The following KCNJ6 variants were observed in gnomAD, a reference collection of about 807,000 sequenced individuals.
KCNJ6 encodes the protein G protein-activated inward rectifier potassium channel 2.
In KCNJ6, 9 loss-of-function variants were observed where a neutral mutation model predicts 34.2. That is an observed-to-expected ratio of 0.26 (90% CI 0.16 to 0.46). The LOEUF (loss-of-function observed/expected upper bound fraction) is 0.46. KCNJ6 is among the 20% of genes least tolerant of loss of function. The pLI is 1.00. For synonymous variants in KCNJ6, 196 were observed against 207.1 expected (o/e 0.95, Z 0.46); for missense variants, 236 against 531.3 (o/e 0.44, Z 5.46).
At chr21:37,646,681 T>TTTA (rs2054405747) in intron 3 of KCNJ6, among the ~76,000 whole-genome samples, 1 of 38,852 alleles carries the variant, frequency 2.6e-5, no homozygotes, top group African/African-American at 1.4e-4. Flanking sequence ...TATTTTTATT[T>TTTA]TTTTTTTTGA....
intron 1 of KCNJ6, among the ~76,000 whole-genome samples, chr21:37,856,661 A>T (rs1413755883): frequency 6.6e-6 from 1 of 152,228 alleles, no homozygotes; most frequent in Admixed American, 6.5e-5. Flanking sequence ...AATGTGACAA[A>T]TGTTTACAAA....
At position 37,800,726 on chromosome 21, in the gene KCNJ6, C is replaced by T. The variant is rs564668667; in HGVS notation, c.25+39932G>A. On this transcript the variant is annotated intron_variant, in intron 2 of 3. Transcript: ENST00000609713. Reference sequence around the variant, plus strand: ...ACATCCTGTTTGCCATCTTCCTGATCATTTTCTCCTCTTCAGTAGGGAATG... The same window carrying T: ...ACATCCTGTTTGCCATCTTCCTGATTATTTTCTCCTCTTCAGTAGGGAATG... 2.0e-5 allele frequency among the ~76,000 whole-genome samples: 3 copies of T among 152,176 alleles called. No individual in the cohort carries two copies. The South Asian group carries it at 6.2e-4, about 31-fold the overall frequency.
intron 2 of KCNJ6, among the ~76,000 whole-genome samples, chr21:37,812,538 T>A (rs989275863): frequency 2.0e-5 from 3 of 152,172 alleles, no homozygotes; most frequent in Non-Finnish European, 4.4e-5. Context: ...GTTAACTGTA[T>A]TCAACAACAC....
chr21:37,845,560 AG>A (rs1448292233), intron 1 of KCNJ6, among the ~76,000 whole-genome samples: 1 of 152,242 alleles, frequency 6.6e-6, no homozygotes, highest in East Asian at 1.9e-4. Flanking sequence ...CCTGATTCAC[AG>A]GACTGTTTGA....
chr21:37,701,256 C>A lies in KCNJ6; in HGVS notation c.946+12955G>T, dbSNP rs369317041. 3.8e-3 allele frequency among the ~76,000 whole-genome samples: 573 copies of A among 152,192 alleles called. 3 individuals carry two copies. The highest frequency in any genetic ancestry group is 0.017 in the Middle Eastern group (5 of 292). ...GGGTGCAGGACAGAGCCCTGGGGAA[C>A]CACCGAGGTTTTGAATTGCAGGTGG... On this transcript the variant is annotated intron_variant, in intron 3 of 3. Transcript: ENST00000609713.
intron 1 of KCNJ6, among the ~76,000 whole-genome samples, chr21:37,843,928 G>A (rs147765585): frequency 7.9e-5 from 12 of 152,230 alleles, no homozygotes; most frequent in African/African-American, 2.2e-4. Flanking sequence ...TTCTTTCTTC[G>A]AGTATTCTCA....
rs187365692 is a variant in KCNJ6 at position 37,695,241 on chromosome 21, T to C, written c.946+18970A>G. ...TTGCAACCACAAGGGAGACCTGGCT[T>C]GTTACAGAACTTAACAGTGTCCATC... On this transcript the variant is annotated intron_variant, in intron 3 of 3. Coordinates refer to ENST00000609713, the MANE Select transcript of KCNJ6 (RefSeq NM_002240.5). The surrounding 1 kb of genome is among the most constrained non-coding windows in gnomAD (Gnocchi z 4.2). 6.6e-5 allele frequency among the ~76,000 whole-genome samples: 10 copies of C among 152,320 alleles called. No homozygotes were observed. In the East Asian group the frequency reaches 1.9e-3, roughly 29 times the overall value.
intron 3 of KCNJ6, among the ~76,000 whole-genome samples, chr21:37,670,718 T>C (rs2054537592): frequency 6.6e-6 from 1 of 152,228 alleles, no homozygotes; most frequent in Non-Finnish European, 1.5e-5. Context: ...TCACCCAAGA[T>C]CGTGCCACTG....
chr21:37,855,575 A>G (rs1220747355), intron 1 of KCNJ6, among the ~76,000 whole-genome samples: 2 of 150,916 alleles, frequency 1.3e-5, no homozygotes, highest in African/African-American at 4.9e-5. Context: ...AGCAGAAAAA[A>G]TAGCTTTCCT....
At chr21:37,800,272 G>A (rs1185162877) in intron 2 of KCNJ6, among the ~76,000 whole-genome samples, 1 of 152,194 alleles carries the variant, frequency 6.6e-6, no homozygotes, top group Non-Finnish European at 1.5e-5. Flanking sequence ...TCTAGACAGA[G>A]AGGATGTGGC....
At chr21:37,821,730 G>A (rs1433539851) in intron 2 of KCNJ6, among the ~76,000 whole-genome samples, 1 of 152,076 alleles carries the variant, frequency 6.6e-6, no homozygotes, top group Non-Finnish European at 1.5e-5. Flanking sequence ...ATTGTATATG[G>A]TTATAGGAAG....
At chr21:37,652,575 A>G (rs1333295368) in intron 3 of KCNJ6, among the ~76,000 whole-genome samples, 1 of 152,232 alleles carries the variant, frequency 6.6e-6, no homozygotes, top group African/African-American at 2.4e-5. Context: ...GAGGTCAAAT[A>G]TTTGGGAGAA....
chr21:37,664,799 T>G (rs1037734251), intron 3 of KCNJ6, among the ~76,000 whole-genome samples: 4 of 144,560 alleles, frequency 2.8e-5, no homozygotes, highest in African/African-American at 1.0e-4. Flanking sequence ...TTCCTTTTTT[T>G]TTTTTTTTTT....
At chr21:37,857,463 G>T (rs539179642) in intron 1 of KCNJ6, among the ~76,000 whole-genome samples, 1 of 152,244 alleles carries the variant, frequency 6.6e-6, no homozygotes, top group Admixed American at 6.5e-5. Flanking sequence ...CAGAGAGACA[G>T]AAGAAAATGC....
intron 1 of KCNJ6, among the ~76,000 whole-genome samples, chr21:37,842,022 T>A (rs921780423): frequency 1.3e-5 from 2 of 152,120 alleles, no homozygotes; most frequent in Non-Finnish European, 2.9e-5. Flanking sequence ...TGACAGTGTA[T>A]AAAAGTGTTC....
chr21:37,659,765 C>T (rs150740248), intron 3 of KCNJ6, among the ~76,000 whole-genome samples: 195 of 152,360 alleles, frequency 1.3e-3, no homozygotes, highest in African/African-American at 4.3e-3. Context: ...CTCTTTCTAA[C>T]GTTTGCTGCT....
intron 3 of KCNJ6, among the ~76,000 whole-genome samples, chr21:37,692,619 G>A (rs1017303952): frequency 2.0e-5 from 3 of 152,198 alleles, no homozygotes; most frequent in Non-Finnish European, 4.4e-5. Flanking sequence ...GGGCCCAATG[G>A]TTGGGGCCTT....
At chr21:37,663,781 A>G (rs2054501023) in intron 3 of KCNJ6, among the ~76,000 whole-genome samples, 1 of 152,234 alleles carries the variant, frequency 6.6e-6, no homozygotes, top group Non-Finnish European at 1.5e-5. Context: ...CATCATAATG[A>G]CAGCTCTATC....
intron 2 of KCNJ6, among the ~76,000 whole-genome samples, chr21:37,766,412 G>A (rs1436917253): frequency 2.6e-5 from 4 of 152,106 alleles, no homozygotes; most frequent in Non-Finnish European, 5.9e-5. Context: ...TGGGTAACAC[G>A]GTAACTGCCT....
Sources: gnomAD v4.1 joint callset for allele counts (sites outside exome capture counted in the v4.1 genomes callset) on GRCh38, gnomAD v4.1.1 for gene constraint, Gnocchi (gnomAD v3.1) non-coding constraint, MANE v1.5 for transcripts, NCBI Gene and HGNC (gene_info 2026-07-23, HGNC 2026-07-21) for gene names.